Variants in CORO1C observed in about 807,000 individuals in gnomAD.
CORO1C encodes coronin-1C.
Under a neutral mutation model 51.2 loss-of-function variants are expected in CORO1C, and 14 were observed. The observed-to-expected ratio is 0.27, with a 90% CI of 0.18 to 0.43. CORO1C has a LOEUF of 0.43. CORO1C is among the 20% of genes least tolerant of loss of function. CORO1C has a pLI of 1.00. For missense variants in CORO1C, 417 were observed against 607.8 expected (o/e 0.69, Z 3.30); for synonymous variants, 181 against 210.5 (o/e 0.86, Z 1.21).
At chr12:108,670,512 A>G (rs1377889136) in intron 3 of CORO1C, among the ~76,000 whole-genome samples, 1 of 152,228 alleles carries the variant, frequency 6.6e-6, no homozygotes, top group Non-Finnish European at 1.5e-5. Context: ...GGATAAAAGC[A>G]TAAGAGAGGC....
chr12:108,701,459 G>T, intron 1 of CORO1C, 136 bp from the exon 2 acceptor site: 1 of 1,390,800 alleles, frequency 7.2e-7, no homozygotes, highest in South Asian at 1.4e-5. Flanking sequence ...TAGCCAAATT[G>T]CAATCCAAAT....
intron 7 of CORO1C, among the ~76,000 whole-genome samples, chr12:108,654,004 C>T (rs2032811405): frequency 6.6e-6 from 1 of 152,144 alleles, no homozygotes; most frequent in Non-Finnish European, 1.5e-5. Flanking sequence ...GATGAAACAC[C>T]AGTGTATCTT....
intron 2 of CORO1C, 110 bp from the exon 3 acceptor site, chr12:108,678,504 C>T: frequency 1.1e-6 from 1 of 897,888 alleles, no homozygotes; most frequent in Non-Finnish European, 1.6e-6. Context: ...TCTCAATTTT[C>T]TAGATATGAC....
At chr12:108,695,860 A>C (rs902048212) in intron 2 of CORO1C, among the ~76,000 whole-genome samples, 99 of 151,606 alleles carry the variant, frequency 6.5e-4, no homozygotes, top group Non-Finnish European at 1.4e-3. Flanking sequence ...CTAAAAAAAA[A>C]AAAAAAAAAA....
intron 2 of CORO1C, among the ~76,000 whole-genome samples, chr12:108,699,170 A>C (rs1424068943): frequency 6.6e-6 from 1 of 152,248 alleles, no homozygotes; most frequent in Admixed American, 6.5e-5. Context: ...TGGTTAAAGA[A>C]TGAAATACAA....
chr12:108,655,522 AGCGCGCACCGCCAC>A (rs1319798703), intron 6 of CORO1C, among the ~76,000 whole-genome samples: 2 of 152,158 alleles, frequency 1.3e-5, no homozygotes, highest in African/African-American at 4.8e-5. Context: ...TGCGATTGCA[AGCGCGCACCGCCAC>A]GCCTGACTGG....
intron 4 of CORO1C, 93 bp from the exon 5 acceptor site, chr12:108,659,012 T>C: frequency 7.7e-7 from 1 of 1,297,966 alleles, no homozygotes. Context: ...TACACATATG[T>C]ATATGCAGAG....
chr12:108,681,383 A>T (rs2034118355), intron 2 of CORO1C, among the ~76,000 whole-genome samples: 1 of 152,252 alleles, frequency 6.6e-6, no homozygotes, highest in African/African-American at 2.4e-5. Flanking sequence ...AGTATAAGTG[A>T]AAACAAATTC....
At chr12:108,664,560 T>C (rs1438898738) in intron 3 of CORO1C, among the ~76,000 whole-genome samples, 2 of 152,196 alleles carry the variant, frequency 1.3e-5, no homozygotes, top group Admixed American at 6.5e-5. Flanking sequence ...GAACATCACC[T>C]AATTTCCCCA....
intron 2 of CORO1C, among the ~76,000 whole-genome samples, chr12:108,696,867 G>A (rs973560725): frequency 2.6e-5 from 4 of 152,120 alleles, no homozygotes; most frequent in Non-Finnish European, 4.4e-5. Flanking sequence ...ATATTCCTCC[G>A]GCAGTGACCT....
At chr12:108,649,155 C>T (rs979098924) in intron 8 of CORO1C, 135 bp from the exon 9 acceptor site, 16 of 925,932 alleles carry the variant, frequency 1.7e-5, no homozygotes, top group Non-Finnish European at 2.1e-5. Flanking sequence ...TGATCCACCC[C>T]GGGAATAGGC....
chr12:108,692,182 C>T (rs1040682117), intron 2 of CORO1C, among the ~76,000 whole-genome samples: 1 of 152,126 alleles, frequency 6.6e-6, no homozygotes, highest in Non-Finnish European at 1.5e-5. Flanking sequence ...CCAGTCCTGT[C>T]CCCCAGCTTT....
At chr12:108,707,647 A>G (rs1172755310) in intron 1 of CORO1C, among the ~76,000 whole-genome samples, 2 of 152,228 alleles carry the variant, frequency 1.3e-5, no homozygotes, top group African/African-American at 4.8e-5. Flanking sequence ...GATTCCATCA[A>G]AATTTATAAA....
At chr12:108,655,358 TTCCCCCTCCCCC>T (rs963914875) in intron 6 of CORO1C, among the ~76,000 whole-genome samples, 1 of 127,560 alleles carries the variant, frequency 7.8e-6, no homozygotes, top group Non-Finnish European at 1.7e-5. Context: ...CCCTCTCCCC[TTCCCCCTCCCCC>T]TCCCCCTCTC....
Position 108,658,010 on chromosome 12 carries a change from G to A in CORO1C, c.631-587C>T, listed in dbSNP as rs1310791454. On this transcript the variant is annotated intron_variant, in intron 5 of 10. Coordinates refer to ENST00000261401, the MANE Select transcript of CORO1C (RefSeq NM_014325.4). This position sits in a 1 kb window ranked among gnomAD's most constrained non-coding sequence, Gnocchi z 4.9. ...CCAAAGAACAACCACATCTCAGGAAGGGCCTCAGAGTGTGGCAAATGAGGA... is the reference window on the plus strand; with the variant it reads ...CCAAAGAACAACCACATCTCAGGAAAGGCCTCAGAGTGTGGCAAATGAGGA... Among the ~76,000 whole-genome samples the A allele has an allele frequency of 1.3e-5, 2 of 152,120 alleles. No homozygotes were observed. Among genetic ancestry groups the A allele is most frequent in the Non-Finnish European group, 2.9e-5 (2 of 68,020 alleles).
chr12:108,727,026 A>C (rs1467794385), intron 1 of CORO1C, among the ~76,000 whole-genome samples: 1 of 152,266 alleles, frequency 6.6e-6, no homozygotes, highest in African/African-American at 2.4e-5. Context: ...CATTCATGAT[A>C]ATCAGAGAAA....
At chr12:108,705,313 T>C (rs910514686) in intron 1 of CORO1C, among the ~76,000 whole-genome samples, 2 of 151,640 alleles carry the variant, frequency 1.3e-5, no homozygotes, top group African/African-American at 4.8e-5. Flanking sequence ...ACCCAGTCTC[T>C]ACTAAAAATA....
At chr12:108,720,077 T>C (rs943595250) in intron 1 of CORO1C, among the ~76,000 whole-genome samples, 9 of 152,214 alleles carry the variant, frequency 5.9e-5, no homozygotes, top group African/African-American at 1.9e-4. Context: ...TCCCAGCTAC[T>C]CGAGAGGCTG....
intron 4 of CORO1C, among the ~76,000 whole-genome samples, chr12:108,660,279 C>T (rs958258161): frequency 6.6e-6 from 1 of 152,084 alleles, no homozygotes; most frequent in African/African-American, 2.4e-5. Flanking sequence ...TGGAGAAACC[C>T]TGTCTCTACT....
Sources: allele counts gnomAD v4.1 joint callset (sites outside exome capture counted in the v4.1 genomes callset), GRCh38; gene constraint gnomAD v4.1.1; non-coding constraint Gnocchi (gnomAD v3.1); transcripts MANE v1.5; gene names NCBI Gene and HGNC (gene_info 2026-07-23, HGNC 2026-07-21).